The following PCDH9 variants were observed in gnomAD, a reference collection of about 807,000 sequenced individuals.
PCDH9 encodes protocadherin-9.
PCDH9 carries 24 observed loss-of-function variants against 70.6 expected under a neutral mutation model. That is an observed-to-expected ratio of 0.34 (90% CI 0.25 to 0.48). The LOEUF (loss-of-function observed/expected upper bound fraction) is 0.48. Ranked by LOEUF, PCDH9 falls within the 20% of genes least tolerant of loss-of-function variation. The pLI is 0.99. For synonymous variants in PCDH9, 562 were observed against 558.5 expected, an observed-to-expected ratio of 1.01 and a Z score of -0.09; for missense variants, 1,281 against 1,503.6, an observed-to-expected ratio of 0.85 and a Z score of 2.45.
chr13:67,102,454 G>A (rs1179805156), intron 2 of PCDH9, among the ~76,000 whole-genome samples: 2 of 151,978 alleles, frequency 1.3e-5, no homozygotes, highest in Non-Finnish European at 2.9e-5. Context: ...TGCTGACACA[G>A]AACTCTAATA....
intron 4 of PCDH9, among the ~76,000 whole-genome samples, chr13:66,352,448 G>A (rs1053311738): frequency 2.0e-5 from 3 of 152,102 alleles, no homozygotes; most frequent in African/African-American, 7.2e-5. Context: ...GGAAGTTTAA[G>A]GTCAAGACCA....
intron 3 of PCDH9, among the ~76,000 whole-genome samples, chr13:66,840,457 A>C (rs1406908211): frequency 1.5e-5 from 2 of 136,626 alleles, no homozygotes; most frequent in African/African-American, 4.9e-5. Context: ...AATTTAAAAT[A>C]ATTTGACAAG....
chr13:67,217,819 G>T (rs898621916), intron 2 of PCDH9: 1 of 151,932 alleles, frequency 6.6e-6, no homozygotes, highest in Non-Finnish European at 1.5e-5. Flanking sequence ...CTTCTTAGGA[G>T]AAATGAAGGC....
intron 2 of PCDH9, among the ~76,000 whole-genome samples, chr13:67,180,607 T>A (rs1361862761): frequency 6.6e-6 from 1 of 152,192 alleles, no homozygotes; most frequent in African/African-American, 2.4e-5. Flanking sequence ...ATGGCCTATG[T>A]CCATTTAAAA....
chr13:67,197,489 A>C (rs2138040953), intron 2 of PCDH9, among the ~76,000 whole-genome samples: 1 of 152,098 alleles, frequency 6.6e-6, no homozygotes, highest in African/African-American at 2.4e-5. Flanking sequence ...AGAGCCCAAT[A>C]ACTTTTTATT....
chr13:66,963,174 A>G (rs957090142), intron 2 of PCDH9, among the ~76,000 whole-genome samples: 1 of 152,182 alleles, frequency 6.6e-6, no homozygotes, highest in Non-Finnish European at 1.5e-5. Context: ...AGCAGCTGTA[A>G]GTACAGATGA....
intron 4 of PCDH9, among the ~76,000 whole-genome samples, chr13:66,445,060 T>C (rs1958045319): frequency 6.8e-6 from 1 of 147,400 alleles, no homozygotes; most frequent in Admixed American, 6.8e-5. Flanking sequence ...ATAATATATA[T>C]ATAATATGTA....
chr13:66,831,174 T>C (rs2080918841), intron 3 of PCDH9, among the ~76,000 whole-genome samples: 1 of 152,180 alleles, frequency 6.6e-6, no homozygotes, highest in Non-Finnish European at 1.5e-5. Context: ...TCTTTCTGTC[T>C]TACTGATCTT....
At chr13:66,696,783 CT>C (rs34598874) in intron 3 of PCDH9, among the ~76,000 whole-genome samples, 2,711 of 126,026 alleles carry the variant, frequency 0.022, 74 homozygotes, top group African/African-American at 0.075. Flanking sequence ...TTCAGGCAAA[CT>C]TTTTTTTTTT....
chr13:66,315,006 T>C (rs576534714), intron 4 of PCDH9, among the ~76,000 whole-genome samples: 64 of 152,280 alleles, frequency 4.2e-4, no homozygotes, highest in African/African-American at 1.5e-3. Context: ...CTCCAGCTGG[T>C]GGCAGGTGGG....
chr13:66,411,645 G>GGATAGATAGATAGATA lies in PCDH9; in HGVS notation c.3341-106633_3341-106618dup, dbSNP rs57986608. Reference sequence around the variant, plus strand: ...GAAGATAGACAGATATATAGATGATGGATAGATAGATAGATAGATAGATAG... The same window carrying GGATAGATAGATAGATA: ...GAAGATAGACAGATATATAGATGATGGATAGATAGATAGATAGATAGATAGATAGATAGATAGATAG... On this transcript the variant is annotated intron_variant, in intron 4 of 4. Coordinates refer to ENST00000377865, the MANE Select transcript of PCDH9 (RefSeq NM_203487.3). Among the ~76,000 whole-genome samples the GGATAGATAGATAGATA allele has an allele frequency of 3.0e-3, 456 of 151,014 alleles. 4 individuals are homozygous for GGATAGATAGATAGATA. Among genetic ancestry groups the GGATAGATAGATAGATA allele is most frequent in the African/African-American group, 0.01 (423 of 40,990 alleles).
intron 2 of PCDH9, among the ~76,000 whole-genome samples, chr13:67,138,550 G>A (rs561624134): frequency 1.3e-3 from 194 of 152,274 alleles, no homozygotes; most frequent in African/African-American, 4.6e-3. Context: ...ACGACTTTGT[G>A]ACTTTACTTC....
chr13:66,789,781 T>C (rs935191882), intron 3 of PCDH9, among the ~76,000 whole-genome samples: 3 of 152,172 alleles, frequency 2.0e-5, no homozygotes, highest in African/African-American at 4.8e-5. Flanking sequence ...AAAGGCAAGC[T>C]CCATAAGAAT....
chr13:66,358,993 C>T (rs1304196058), intron 4 of PCDH9, among the ~76,000 whole-genome samples: 1 of 151,934 alleles, frequency 6.6e-6, no homozygotes, highest in Non-Finnish European at 1.5e-5. Flanking sequence ...GCAAAAGTCG[C>T]TCATTAATGG....
chr13:67,017,195 T>C (rs2084580831), intron 2 of PCDH9, among the ~76,000 whole-genome samples: 2 of 152,228 alleles, frequency 1.3e-5, no homozygotes, highest in Admixed American at 1.3e-4. Flanking sequence ...GGGCAGAAGT[T>C]GAACAGAAAT....
chr13:66,318,148 C>G (rs545099780), intron 4 of PCDH9, among the ~76,000 whole-genome samples: 1 of 152,224 alleles, frequency 6.6e-6, no homozygotes, highest in South Asian at 2.1e-4. Flanking sequence ...TCTGAACACA[C>G]CTTGCAAATC....
At chr13:66,863,612 A>G (rs2081520640) in intron 3 of PCDH9, among the ~76,000 whole-genome samples, 1 of 152,122 alleles carries the variant, frequency 6.6e-6, no homozygotes, top group Admixed American at 6.5e-5. Flanking sequence ...CAGCCTCCCA[A>G]GTAGCTAGGA....
chr13:66,777,382 C>G (rs2079914339), intron 3 of PCDH9, among the ~76,000 whole-genome samples: 1 of 151,236 alleles, frequency 6.6e-6, no homozygotes. Flanking sequence ...ACCTACTCAT[C>G]TGACAAAGGG....
At chr13:66,987,776 G>A (rs1198723107) in intron 2 of PCDH9, among the ~76,000 whole-genome samples, 1 of 151,914 alleles carries the variant, frequency 6.6e-6, no homozygotes, top group East Asian at 1.9e-4. Flanking sequence ...AAGGGAAATG[G>A]CTCTTAACTT....
Sources: gnomAD v4.1 joint callset for allele counts (sites outside exome capture counted in the v4.1 genomes callset) on GRCh38, gnomAD v4.1.1 for gene constraint, MANE v1.5 for transcripts, NCBI Gene and HGNC (gene_info 2026-07-23, HGNC 2026-07-21) for gene names.